ARMCX6: variants seen among roughly 807,000 people sequenced by gnomAD.
ARMCX6 encodes protein ARMCX6.
For synonymous variants in ARMCX6, 85 were observed against 70.3 expected (o/e 1.21, Z -1.05); for missense variants, 194 against 186.0 (o/e 1.04, Z -0.25).
intron 2 of ARMCX6, 60 bp from the exon 3 acceptor site, chrX:101,616,826 A>T (rs1156913987): frequency 1.5e-6 from 1 of 648,942 alleles, no homozygotes; most frequent in Non-Finnish European, 2.2e-6. Flanking sequence ...CCTCACAGAC[A>T]GGGTGGATTT....
Position 101,616,519 on chromosome X carries a change from A to C in ARMCX6, c.102T>G (p.Ser34Arg), listed in dbSNP as rs1556035970. 1.7e-6 allele frequency: 2 copies of C among 1,211,232 alleles called. No homozygotes were observed. The highest frequency in any genetic ancestry group is 1.8e-5 in the South Asian group (1 of 56,962). Reference sequence around the variant, plus strand: ...CTTCCCCCTCCTCCTCCAGCTTCTCACTGTCATCTCTTCCTATGGTCAGTT... The same window carrying C: ...CTTCCCCCTCCTCCTCCAGCTTCTCCCTGTCATCTCTTCCTATGGTCAGTT... ...VYKLTIGRDDSEKLEEEGEEE... is the reference protein window; with the variant it reads ...VYKLTIGRDDREKLEEEGEEE... The change falls in exon 3 of 3, where the codon AGT (serine) becomes AGG (arginine). Residue 34 changes from serine to arginine, a missense_variant. Transcript: ENST00000361910.
chrX:101,617,462 C>T (rs1737673326), intron 2 of ARMCX6, 41 bp downstream of exon 2: 1 of 109,868 alleles, frequency 9.1e-6, no homozygotes, highest in Non-Finnish European at 1.9e-5. Context: ...CCTCCGCCAC[C>T]CCCACCCATG....
chrX:101,615,766 A>G lies in ARMCX6; in HGVS notation c.855T>C (p.Phe285=), dbSNP rs1333325358. 2.3e-5 allele frequency: 5 copies of G among 221,141 alleles called. No homozygotes were observed. Among genetic ancestry groups the G allele is most frequent in the Non-Finnish European group, 2.9e-5 (4 of 136,434 alleles). The allele number at this position is 221,141 out of a possible 1,213,427, so 18.2% of individuals were successfully genotyped here. Residue 285 remains phenylalanine (F), a synonymous_variant, in exon 3 of 3, where the codon TTT becomes TTC. Coordinates refer to ENST00000361910, the MANE Select transcript of ARMCX6 (RefSeq NM_019007.4). ...GAATCTCTCTGTTTCCATTTCTGAT[A>G]AAGAGGGACATGAATGAGAAGAGCA... is the stretch of plus-strand genomic sequence containing the variant. ...AQMLFSFMSL[F]IRNGNREILL...
At chrX:101,617,353 C>T (rs1326976620) in intron 2 of ARMCX6, 150 bp downstream of exon 2, 1 of 111,832 alleles carries the variant, frequency 8.9e-6, no homozygotes, top group Non-Finnish European at 1.9e-5. Flanking sequence ...CAAAGGCCGC[C>T]ACACCCCTTT....
rs782395933 is a variant in ARMCX6 at position 101,616,421 on chromosome X, C to T, written c.200G>A (p.Arg67Gln). The change falls in exon 3 of 3, where the codon CGG (arginine) becomes CAG (glutamine). Residue 67 changes from arginine (R) to glutamine (Q), a missense_variant. Coordinates refer to ENST00000361910, the MANE Select transcript of ARMCX6 (RefSeq NM_019007.4). The part of the protein sequence containing the change: ...DIWFDFETMA[R>Q]PWTEDGDWTE... ...CCAATCCCCATCCTCAGTCCAGGGC[C>T]GAGCCATAGTTTCAAAATCAAACCA... The T allele has an allele frequency of 1.9e-5, 23 of 1,210,967 alleles. No individual in the cohort carries two copies. Among genetic ancestry groups the T allele is most frequent in the Non-Finnish European group, 2.5e-5 (22 of 895,394 alleles).
rs1439772393 is a variant in ARMCX6 at position 101,616,755 on chromosome X, C to G, written c.-135G>C. On this transcript the variant is annotated 5_prime_UTR_variant, in exon 3 of 3. Coordinates refer to ENST00000361910, the MANE Select transcript of ARMCX6 (RefSeq NM_019007.4). ...GCTTCTTCCAGGCTCTTGTAGCTCT[C>G]TTGTGATGAATCTGTGGGTGAAACA... The G allele has an allele frequency of 9.5e-7, 1 of 1,054,882 alleles. No homozygotes were observed. Among genetic ancestry groups the G allele is most frequent in the Admixed American group, 3.8e-5 (1 of 26,061 alleles). The allele number at this position is 1,054,882 out of a possible 1,213,427, so 86.9% of individuals were successfully genotyped here.
Position 101,617,182 on chromosome X carries a change from G to A in ARMCX6, c.-147+321C>T, listed in dbSNP as rs782339415. On this transcript the variant is annotated intron_variant, in intron 2 of 2. Coordinates refer to ENST00000361910, the MANE Select transcript of ARMCX6 (RefSeq NM_019007.4). Reference sequence around the variant, plus strand: ...AGGACAAATGCAAAGACAGGTAGGCGGCAATGGAGAAATGAAAGTGTAGTG... The same window carrying A: ...AGGACAAATGCAAAGACAGGTAGGCAGCAATGGAGAAATGAAAGTGTAGTG... 60 of 113,114 alleles carry A rather than the reference G, an allele frequency of 5.3e-4. No homozygotes were observed. In the South Asian group the frequency reaches 0.019, roughly 36 times the overall value. The allele number at this position is 113,114 out of a possible 1,213,427, so 9.3% of individuals were successfully genotyped here. A position where few individuals can be genotyped will look rare whatever the true frequency, so the allele number is the denominator to read the frequency against.
Position 101,616,478 on chromosome X carries a change from T to A in ARMCX6, c.143A>T (p.Asp48Val). ...EEEGEEEWDD[D>V]QELDEEEPDI... ...AGGCTCCTCCTCATCCAGCTCCTGG[T>A]CATCGTCCCACTCCTCTTCCCCCTC... Residue 48 changes from aspartate to valine, a missense_variant, in exon 3 of 3, where the codon GAC (aspartate) becomes GTC (valine). Asp to Val is a radical substitution (Grantham distance 152). Coordinates refer to ENST00000361910, the MANE Select transcript of ARMCX6 (RefSeq NM_019007.4). 1 of 1,211,531 alleles carries A rather than the reference T, an allele frequency of 8.3e-7. No homozygotes were observed. The highest frequency in any genetic ancestry group is 1.1e-6 in the Non-Finnish European group (1 of 895,363).
chrX:101,616,965 T>C (rs782576372), intron 2 of ARMCX6, 199 bp from the exon 3 acceptor site: 4 of 217,377 alleles, frequency 1.8e-5, no homozygotes, highest in Non-Finnish European at 2.5e-5. Context: ...GAGATGGGTC[T>C]CTGCTATGAT....
chrX:101,616,715 G>C lies in ARMCX6; in HGVS notation c.-95C>G. ...CAGGTCCAGGGTGAGTAAGGATGGA[G>C]GGTAGCAGTCTTCAGCTTCTTCCAG... On this transcript the variant is annotated 5_prime_UTR_variant, in exon 3 of 3. Transcript: ENST00000361910. 1.8e-6 allele frequency: 2 copies of C among 1,120,675 alleles called. No homozygotes were observed. The highest frequency in any genetic ancestry group is 2.3e-6 in the Non-Finnish European group (2 of 851,800). 92.4% of individuals were successfully genotyped at this position (1,120,675 alleles called of 1,213,427 possible). A position where few individuals can be genotyped will look rare whatever the true frequency, so the allele number is the denominator to read the frequency against.
Position 101,616,426 on chromosome X carries a change from C to G in ARMCX6, c.195G>C (p.Met65Ile), listed in dbSNP as rs1556035895. 1 of 1,211,767 alleles carries G rather than the reference C, an allele frequency of 8.3e-7. No homozygotes were observed. Among genetic ancestry groups the G allele is most frequent in the Non-Finnish European group, 1.1e-6 (1 of 895,529 alleles). The change falls in exon 3 of 3, where the codon ATG (methionine) becomes ATC (isoleucine). Residue 65 changes from methionine (M) to isoleucine (I), a missense_variant. By Grantham distance (10) the Met-to-Ile change is conservative. Coordinates refer to ENST00000361910, the MANE Select transcript of ARMCX6 (RefSeq NM_019007.4). ...EPDIWFDFETMARPWTEDGDW... is the reference protein window; with the variant it reads ...EPDIWFDFETIARPWTEDGDW... ...CCCCATCCTCAGTCCAGGGCCGAGC[C>G]ATAGTTTCAAAATCAAACCAAATAT...
In ARMCX6 at chrX:101,616,252, A is replaced by T; in HGVS notation, c.369T>A (p.Cys123Ter). Residue 123 changes from cysteine (C) to a stop codon, truncating the protein, a stop_gained, in exon 3 of 3, where the codon TGT (cysteine) becomes TGA (stop). Coordinates refer to ENST00000361910, the MANE Select transcript of ARMCX6 (RefSeq NM_019007.4). LOFTEE classifies it low-confidence loss of function (END_TRUNC). ...AAAGACACTTGGAGAGGTCCAGAAC[A>T]CAACTGCCATTTTTACAATTTTGAG... ...WSAQNCKNGS[C>*]VLDLSKCLFI... The T allele has an allele frequency of 1.7e-6, 2 of 1,211,605 alleles. No individual in the cohort carries two copies. The highest frequency in any genetic ancestry group is 2.2e-6 in the Non-Finnish European group (2 of 895,501).
At chrX:101,617,680 C>T (rs1025221492) in intron 1 of ARMCX6, 96 bp from the exon 2 acceptor site, 2 of 110,199 alleles carry the variant, frequency 1.8e-5, no homozygotes, top group Admixed American at 1.9e-4. Context: ...TCTCTGGAAA[C>T]GCCATTCACT....
At position 101,616,271 on chromosome X, in the gene ARMCX6, T is replaced by C; in HGVS notation, c.350A>G (p.Asn117Ser). Residue 117 changes from asparagine (N) to serine (S), a missense_variant, in exon 3 of 3, where the codon AAT becomes AGT. Transcript: ENST00000361910. Reference sequence around the variant, plus strand: ...CAGAACACAACTGCCATTTTTACAATTTTGAGCACTCCAAGTATTTTTATG... The same window carrying C: ...CAGAACACAACTGCCATTTTTACAACTTTGAGCACTCCAAGTATTTTTATG... ...YEHKNTWSAQNCKNGSCVLDL... is the reference protein window; with the variant it reads ...YEHKNTWSAQSCKNGSCVLDL... 8.3e-7 allele frequency: 1 copy of C among 1,211,585 alleles called. No homozygotes were observed. Among genetic ancestry groups the C allele is most frequent in the Non-Finnish European group, 1.1e-6 (1 of 895,499 alleles).
At chrX:101,617,862 G>A (rs1171961945) in intron 1 of ARMCX6, 23 bp downstream of exon 1, 3 of 111,469 alleles carry the variant, frequency 2.7e-5, no homozygotes, top group Non-Finnish European at 5.7e-5. Context: ...CTCCTCTCAA[G>A]CAGCGCCCAC....
rs782416050 is a variant in ARMCX6 at position 101,616,183 on chromosome X, G to T, written c.438C>A (p.Gly146=). The T allele has an allele frequency of 3.9e-5, 47 of 1,204,219 alleles. No individual in the cohort carries two copies. The Admixed American group carries it at 4.0e-4, about 10-fold the overall frequency. The change falls in exon 3 of 3, where the codon GGC becomes GGA. Residue 146 remains glycine (G), a synonymous_variant. Transcript: ENST00000361910. ...KLLFAEPKDA[G]FPFSQDINSH... is the part of the protein sequence containing the mutation. ...TATTGATATCCTGGCTAAATGGAAA[G>T]CCCGCATCCTTGGGCTCGGCAAACA...
At chrX:101,616,861 A>T (rs1235879449) in intron 2 of ARMCX6, 95 bp from the exon 3 acceptor site, 1 of 439,494 alleles carries the variant, frequency 2.3e-6, no homozygotes, top group Non-Finnish European at 3.6e-6. Context: ...AGGCAGATTA[A>T]CAGGATACAA....
rs782236216 is a variant in ARMCX6 at position 101,616,610 on chromosome X, G to A, written c.11C>T (p.Ala4Val). 54 of 1,206,315 alleles carry A rather than the reference G, an allele frequency of 4.5e-5. No individual in the cohort carries two copies. In the South Asian group the frequency reaches 8.9e-4, roughly 20 times the overall value. The change falls in exon 3 of 3, where the codon GCT (alanine) becomes GTT (valine). Residue 4 changes from alanine to valine, a missense_variant. Transcript: ENST00000361910. ...TGCCGCCATCCAACCCACTTCCCGA[G>A]CCCGGCCCATGCTCAAGTCTGTGCC... is the stretch of plus-strand genomic sequence containing the variant. MGRAREVGWMAAGL... is the reference protein window; with the variant it reads MGRVREVGWMAAGL...
Position 101,616,295 on chromosome X carries a change from T to C in ARMCX6, c.326A>G (p.His109Arg). The change falls in exon 3 of 3, where the codon CAT (histidine) becomes CGT (arginine). Residue 109 changes from histidine (H) to arginine (R), a missense_variant. His to Arg is a conservative substitution (Grantham distance 29). Transcript: ENST00000361910. ...ATTTTGAGCACTCCAAGTATTTTTA[T>C]GTTCATAGGGGAATGGCCGCTGTTT... is the stretch of plus-strand genomic sequence containing the variant. ...PIKQRPFPYEHKNTWSAQNCK... is the reference protein window; with the variant it reads ...PIKQRPFPYERKNTWSAQNCK... 8.3e-7 allele frequency: 1 copy of C among 1,211,667 alleles called. No individual in the cohort carries two copies.
Sources: gnomAD v4.1 joint callset for allele counts on GRCh38, gnomAD v4.1.1 for gene constraint, MANE v1.5 for transcripts, NCBI Gene and HGNC (gene_info 2026-07-23, HGNC 2026-07-21) for gene names.